IGBP1C: variants seen among roughly 807,000 people sequenced by gnomAD.
IGBP1C encodes immunoglobulin-binding protein 1 family member C.
chr17:58,673,159 G>C, the IGBP1C span, among the ~76,000 whole-genome samples: 1 of 152,034 alleles, frequency 6.6e-6, no homozygotes, highest in African/African-American at 2.4e-5. Context: ...TCCCTGGGTA[G>C]TCATGCCAAG....
At chr17:58,684,232 C>T in the IGBP1C span, among the ~76,000 whole-genome samples, 4 of 151,728 alleles carry the variant, frequency 2.6e-5, no homozygotes, top group Non-Finnish European at 1.5e-5. Flanking sequence ...GAGGCCTTGG[C>T]GGGTGGATCA....
the IGBP1C span, among the ~76,000 whole-genome samples, chr17:58,676,593 C>T: frequency 6.6e-6 from 1 of 152,018 alleles, no homozygotes; most frequent in Non-Finnish European, 1.5e-5. Context: ...ACAAAACCAA[C>T]AAACTACTAT....
the IGBP1C span, chr17:58,666,458 C>CAAAAAA: frequency 1.4e-3 from 51 of 36,838 alleles, 1 homozygote; most frequent in East Asian, 3.7e-3. Flanking sequence ...CCTTCCACGG[C>CAAAAAA]AAAAAAAAAA....
chr17:58,676,912 C>T, the IGBP1C span, among the ~76,000 whole-genome samples: 1 of 152,038 alleles, frequency 6.6e-6, no homozygotes, highest in Non-Finnish European at 1.5e-5. Flanking sequence ...AGGCAGATCA[C>T]CTGAGGCCAG....
At chr17:58,662,558 C>T in the IGBP1C span, among the ~76,000 whole-genome samples, 1 of 151,940 alleles carries the variant, frequency 6.6e-6, no homozygotes, top group Non-Finnish European at 1.5e-5. Context: ...TTGGAGAGTT[C>T]CCTTACGTGT....
the IGBP1C span, among the ~76,000 whole-genome samples, chr17:58,663,549 C>T: frequency 6.6e-5 from 10 of 151,706 alleles, no homozygotes; most frequent in Non-Finnish European, 1.5e-4. Flanking sequence ...TCACGGCAAC[C>T]TCCATCTCTT....
chr17:58,670,726 T>C, the IGBP1C span, among the ~76,000 whole-genome samples: 3 of 127,460 alleles, frequency 2.4e-5, no homozygotes, highest in Non-Finnish European at 4.6e-5. Flanking sequence ...TGAGTCAAGA[T>C]TGCGCCACTA....
chr17:58,679,750 C>G, the IGBP1C span: 2 of 152,250 alleles, frequency 1.3e-5, no homozygotes, highest in South Asian at 4.1e-4. Flanking sequence ...AATATAGGAT[C>G]ATTTTTCTCA....
chr17:58,660,580 G>C, the IGBP1C span: 12 of 794,864 alleles, frequency 1.5e-5, no homozygotes, highest in African/African-American at 2.0e-4. Context: ...GGGAAGATTA[G>C]CCCATGTTCT....
chr17:58,679,616 A>G, the IGBP1C span: 94,687 of 152,032 alleles, frequency 0.62, 29,908 homozygotes, highest in African/African-American at 0.71. Context: ...CAGCACATCC[A>G]CAATGCAAGA....
the IGBP1C span, among the ~76,000 whole-genome samples, chr17:58,670,301 C>G: frequency 3.9e-5 from 6 of 151,994 alleles, no homozygotes; most frequent in Non-Finnish European, 8.8e-5. Flanking sequence ...TAGCAAAGTA[C>G]CTGGCATGGA....
the IGBP1C span, among the ~76,000 whole-genome samples, chr17:58,668,403 C>T: frequency 1.3e-5 from 2 of 152,200 alleles, no homozygotes; most frequent in Admixed American, 6.6e-5. Context: ...GGAGGAGCTG[C>T]AGTAACTATA....
At chr17:58,660,492 AG>A in the IGBP1C span, 3 of 698,458 alleles carry the variant, frequency 4.3e-6, no homozygotes, top group Non-Finnish European at 7.9e-6. Context: ...ACACAGCTGT[AG>A]GGGAGCTCAG....
chr17:58,662,415 TCACACACACACACACACACACA>T, the IGBP1C span, among the ~76,000 whole-genome samples: 3 of 114,888 alleles, frequency 2.6e-5, no homozygotes, highest in South Asian at 2.6e-4. Flanking sequence ...CACACATATC[TCACACACACACACACACACACA>T]CACACACACA....
chr17:58,678,043 G>A, the IGBP1C span, among the ~76,000 whole-genome samples: 9 of 152,258 alleles, frequency 5.9e-5, no homozygotes, highest in South Asian at 1.0e-3. Flanking sequence ...CCAGCTATTC[G>A]GGAGGCTGAG....
the IGBP1C span, among the ~76,000 whole-genome samples, chr17:58,671,621 T>C: frequency 6.6e-6 from 1 of 152,190 alleles, no homozygotes; most frequent in Non-Finnish European, 1.5e-5. Flanking sequence ...CTTCTAAGGA[T>C]GGCCAATGTC....
chr17:58,690,761 T>C, the IGBP1C span, among the ~76,000 whole-genome samples: 1 of 152,150 alleles, frequency 6.6e-6, no homozygotes, highest in African/African-American at 2.4e-5. Flanking sequence ...AAATGGGGTA[T>C]AAATGCTTCT....
chr17:58,689,843 GA>G, the IGBP1C span, among the ~76,000 whole-genome samples: 2 of 149,042 alleles, frequency 1.3e-5, no homozygotes, highest in Non-Finnish European at 3.0e-5. Flanking sequence ...GCAAGGGCCA[GA>G]AGATTTTTTT....
At chr17:58,684,143 T>C in the IGBP1C span, among the ~76,000 whole-genome samples, 1 of 151,232 alleles carries the variant, frequency 6.6e-6, no homozygotes, top group Non-Finnish European at 1.5e-5. Context: ...CTCAGAAAAT[T>C]AGGTCACAAC....
Sources: allele counts gnomAD v4.1 joint callset (sites outside exome capture counted in the v4.1 genomes callset), GRCh38; gene constraint gnomAD v4.1.1; transcripts MANE v1.5; gene names NCBI Gene and HGNC (gene_info 2026-07-23, HGNC 2026-07-21).